The following SPATA1 variants were observed in gnomAD, a reference collection of about 807,000 sequenced individuals.
SPATA1 encodes the protein spermatogenesis associated 1.
SPATA1 carries 57 observed loss-of-function variants against 59.6 expected under a neutral mutation model. That is an observed-to-expected ratio of 0.96 (90% CI 0.77 to 1.19). The LOEUF (loss-of-function observed/expected upper bound fraction) is 1.19. Among genes scored for constraint, SPATA1 ranks in the 50% most tolerant of loss-of-function variants. The pLI is 0.00. For synonymous variants in SPATA1, 147 were observed against 163.9 expected (o/e 0.90, Z 0.79); for missense variants, 448 against 480.7 (o/e 0.93, Z 0.64).
chr1:84,507,918 T>C (rs1366723775), intron 1 of SPATA1, among the ~76,000 whole-genome samples: 1 of 152,138 alleles, frequency 6.6e-6, no homozygotes, highest in Non-Finnish European at 1.5e-5. Context: ...ACTGGAGTGC[T>C]GTCTCAAACA....
downstream of SPATA1, among the ~76,000 whole-genome samples, chr1:84,555,720 A>C (rs1684410167): frequency 6.6e-6 from 1 of 152,244 alleles, no homozygotes; most frequent in South Asian, 2.1e-4. Flanking sequence ...AGCTTTTAAA[A>C]TACAGATTCC....
At chr1:84,544,513 A>AC (rs1329981950) in intron 9 of SPATA1, among the ~76,000 whole-genome samples, 2 of 152,086 alleles carry the variant, frequency 1.3e-5, no homozygotes, top group African/African-American at 4.8e-5. Context: ...ACAGTTTGTT[A>AC]TGTAATATGT....
At chr1:84,558,725 A>AC (rs779324854), downstream of SPATA1, among the ~76,000 whole-genome samples, 2 of 151,602 alleles carry the variant, frequency 1.3e-5, no homozygotes, top group African/African-American at 2.4e-5. Context: ...ATATAGAAAG[A>AC]CCCCGTCTCT....
intron 1 of SPATA1, among the ~76,000 whole-genome samples, chr1:84,508,579 G>T (rs531478561): frequency 6.6e-6 from 1 of 151,720 alleles, no homozygotes; most frequent in East Asian, 1.9e-4. Flanking sequence ...GCAGAGCACT[G>T]TCAATTTAAA....
At chr1:84,563,691 AT>A (rs1684636293) in intron 4 of SPATA1, 2 of 1,200,156 alleles carry the variant, frequency 1.7e-6, no homozygotes, top group Non-Finnish European at 2.3e-6. Flanking sequence ...ACTCTAAAAA[AT>A]ATAATAGATA....
At chr1:84,510,678 A>C (rs1682496769) in intron 1 of SPATA1, among the ~76,000 whole-genome samples, 1 of 152,226 alleles carries the variant, frequency 6.6e-6, no homozygotes, top group African/African-American at 2.4e-5. Flanking sequence ...CCAAAAGAAA[A>C]GAAACCAGTA....
At chr1:84,538,475 T>C (rs1683789764) in intron 8 of SPATA1, among the ~76,000 whole-genome samples, 2 of 152,202 alleles carry the variant, frequency 1.3e-5, no homozygotes, top group African/African-American at 2.4e-5. Context: ...AGGTAAGACA[T>C]ATGTTTCTTA....
intron 8 of SPATA1, among the ~76,000 whole-genome samples, chr1:84,537,160 G>A (rs1683730977): frequency 6.6e-6 from 1 of 151,930 alleles, no homozygotes; most frequent in Admixed American, 6.5e-5. Context: ...TTACAGGCGT[G>A]AGCCACCACG....
chr1:84,514,847 T>C (rs1682725563), intron 1 of SPATA1, among the ~76,000 whole-genome samples: 1 of 152,104 alleles, frequency 6.6e-6, no homozygotes, highest in Non-Finnish European at 1.5e-5. Context: ...GGCACACGCC[T>C]GTAATCTCAG....
intron 12 of SPATA1, chr1:84,551,981 T>C (rs1009767597): frequency 1.3e-5 from 2 of 152,018 alleles, no homozygotes; most frequent in Non-Finnish European, 2.9e-5. Flanking sequence ...TGAACTCAAA[T>C]TAGAATTGTT....
At chr1:84,522,407 C>T in exon 4 of SPATA1, 1 of 1,493,614 alleles carries the variant, frequency 6.7e-7, no homozygotes, top group Non-Finnish European at 9.0e-7. Flanking sequence ...CCTCAACTTA[C>T]TTTACGAGCC....
rs149055213 is a variant in SPATA1, at chr1:84,565,712, C to T, written n.443-149C>T. ...AAAGCTTTCAATTAAGTGATTTTTA[C>T]ATGTTTGAAGCAAGCCTTACAATTG... On this transcript the variant is annotated intron_variant and non_coding_transcript_variant, in intron 4 of 4. Coordinates refer to the SPATA1 transcript ENST00000460286. 1,559 of 424,874 alleles carry T rather than the reference C, an allele frequency of 3.7e-3. 9 individuals carry two copies. Among genetic ancestry groups the T allele is most frequent in the Middle Eastern group, 5.0e-3 (6 of 1,194 alleles). The allele number at this position is 424,874 out of a possible 1,614,324, so 26.3% of individuals were successfully genotyped here. A position where few individuals can be genotyped will look rare whatever the true frequency, so the allele number is the denominator to read the frequency against.
rs60377217 is a variant in SPATA1, at chr1:84,513,842, A to ATTTTTTTTTTTT, written c.-137-2375_-137-2364dup. ...TGATGACTTCTCTTTTCTATATTCT[A>ATTTTTTTTTTTT]TTTTTTTTTTTTTTTTTGAGACGGA... On this transcript the variant is annotated intron_variant, in intron 1 of 12. Transcript: ENST00000490879. 2.0e-4 allele frequency among the ~76,000 whole-genome samples: 25 copies of ATTTTTTTTTTTT among 125,048 alleles called. 1 individual carries two copies. The highest frequency in any genetic ancestry group is 5.2e-4 in the African/African-American group (16 of 30,968). 82.0% of individuals were successfully genotyped at this position (125,048 alleles called of 152,430 possible). A position where few individuals can be genotyped will look rare whatever the true frequency, so the allele number is the denominator to read the frequency against.
chr1:84,548,077 C>T (rs1659145276), intron 10 of SPATA1, among the ~76,000 whole-genome samples: 2 of 152,064 alleles, frequency 1.3e-5, no homozygotes, highest in Admixed American at 6.6e-5. Context: ...GTAGAAGTTG[C>T]TAAGGGATTG....
rs1200638490 is a variant in SPATA1, at chr1:84,548,971, C to T, written c.1125+7C>T. ...AAACATCACAGACTCCAAGGTATTACTAAATGTATCCCCCTTCCGTTAGAG... is the reference window on the plus strand; with the variant it reads ...AAACATCACAGACTCCAAGGTATTATTAAATGTATCCCCCTTCCGTTAGAG... On this transcript the variant is annotated splice_region_variant and intron_variant, in intron 11 of 12. Coordinates refer to ENST00000490879, the Ensembl canonical transcript of SPATA1. The T allele has an allele frequency of 1.9e-6, 3 of 1,555,024 alleles. No homozygotes were observed. Among genetic ancestry groups the T allele is most frequent in the African/African-American group, 1.4e-5 (1 of 71,434 alleles).
chr1:84,545,658 A>G (rs1001862516), exon 10 of SPATA1: 3 of 1,519,208 alleles, frequency 2.0e-6, no homozygotes, highest in Non-Finnish European at 2.6e-6. Flanking sequence ...AAACAAATGA[A>G]ACAAGTAAAG....
rs1335048527 is a variant in SPATA1, at chr1:84,533,121, C to A, written c.659+147C>A. ...TAATTAAAATTACCTTGATTCAGAT[C>A]TTTACTGTTTTTTGCTAACATTCCT... On this transcript the variant is annotated intron_variant, in intron 7 of 12. Transcript: ENST00000490879. 3 of 575,170 alleles carry A rather than the reference C, an allele frequency of 5.2e-6. No homozygotes were observed. The East Asian group carries it at 8.8e-5, about 17-fold the overall frequency. 35.6% of individuals were successfully genotyped at this position (575,170 alleles called of 1,614,324 possible). A position where few individuals can be genotyped will look rare whatever the true frequency, so the allele number is the denominator to read the frequency against.
At chr1:84,542,419 C>A (rs1002672841) in intron 8 of SPATA1, among the ~76,000 whole-genome samples, 2 of 152,142 alleles carry the variant, frequency 1.3e-5, no homozygotes, top group Non-Finnish European at 2.9e-5. Context: ...CTCCCAGAAG[C>A]TATGTCTTAC....
At chr1:84,546,179 C>A (rs11164005) in intron 10 of SPATA1, among the ~76,000 whole-genome samples, 1 of 151,990 alleles carries the variant, frequency 6.6e-6, no homozygotes, top group Non-Finnish European at 1.5e-5. Flanking sequence ...TCCTTGCCAG[C>A]GCAGTGGTTC....
Sources: gnomAD v4.1 joint callset for allele counts (sites outside exome capture counted in the v4.1 genomes callset) on GRCh38, gnomAD v4.1.1 for gene constraint, MANE v1.5 for transcripts, NCBI Gene and HGNC (gene_info 2026-07-23, HGNC 2026-07-21) for gene names.